FGD3: variants seen among roughly 807,000 people sequenced by gnomAD.
FGD3 encodes FYVE, RhoGEF and PH domain-containing protein 3.
A neutral mutation model predicts 71.8 loss-of-function variants in FGD3; 45 were observed. The ratio of observed to expected loss-of-function variants is 0.63; its 90% CI spans 0.49 to 0.80. The LOEUF (loss-of-function observed/expected upper bound fraction) is 0.80. FGD3 is among the 30% of genes least tolerant of loss of function. FGD3 has a pLI of 0.00. For missense variants in FGD3, 844 were observed against 951.5 expected, an observed-to-expected ratio of 0.89 and a Z score of 1.49; for synonymous variants, 378 against 392.8, an observed-to-expected ratio of 0.96 and a Z score of 0.44.
intron 3 of FGD3, among the ~76,000 whole-genome samples, chr9:92,991,201 C>T (rs1284836832): frequency 6.6e-6 from 1 of 152,096 alleles, no homozygotes; most frequent in Non-Finnish European, 1.5e-5. Flanking sequence ...GCCTCAGCCT[C>T]CTGAGGAGCT....
chr9:93,013,996 C>G lies in FGD3; in HGVS notation c.1180C>G (p.Leu394Val). The change falls in exon 9 of 18, where the codon CTG (leucine) becomes GTG (valine). Residue 394 changes from leucine (L) to valine (V), a missense_variant and splice_region_variant. Physicochemically the swap from Leu to Val is conservative, Grantham distance 32 (BLOSUM62 1). Coordinates refer to ENST00000375482, the MANE Select transcript of FGD3 (RefSeq NM_001083536.2). ...CACCCCCCAGGACCGCCACCTCTTCCTGGTGAGCCTGGCCCCTGCCAGCCC... is the reference window on the plus strand; with the variant it reads ...CACCCCCCAGGACCGCCACCTCTTCGTGGTGAGCCTGGCCCCTGCCAGCCC... Reference protein sequence around the residue: ...NGTPQDRHLFLFNSMILYCVP... With the variant: ...NGTPQDRHLFVFNSMILYCVP... 6.2e-7 allele frequency: 1 copy of G among 1,605,806 alleles called. No homozygotes were observed. The highest frequency in any genetic ancestry group is 8.5e-7 in the Non-Finnish European group (1 of 1,176,246).
At position 93,008,962 on chromosome 9, in the gene FGD3, C is replaced by CAA. The variant is rs34328093; in HGVS notation, c.838-1270_838-1269dup. ...GCTGGGCAACAGAGCAAGACTCCAT[C>CAA]AAAAAAAAAAAAAAAGTTTTGGCCA... On this transcript the variant is annotated intron_variant, in intron 6 of 17. Coordinates refer to ENST00000375482, the MANE Select transcript of FGD3 (RefSeq NM_001083536.2). Among the ~76,000 whole-genome samples the CAA allele has an allele frequency of 1.4e-3, 192 of 137,836 alleles. 2 individuals are homozygous for CAA. Among genetic ancestry groups the CAA allele is most frequent in the Middle Eastern group, 7.4e-3 (2 of 270 alleles). 90.4% of individuals were successfully genotyped at this position (137,836 alleles called of 152,430 possible). A position where few individuals can be genotyped will look rare whatever the true frequency, so the allele number is the denominator to read the frequency against.
chr9:92,991,368 T>C (rs1860402615), intron 3 of FGD3, among the ~76,000 whole-genome samples: 1 of 152,176 alleles, frequency 6.6e-6, no homozygotes, highest in Non-Finnish European at 1.5e-5. Context: ...TGTGAGCCAT[T>C]GCACCCGGCC....
Position 93,022,401 on chromosome 9 carries a change from A to C in FGD3, c.1557+12A>C. 1 of 1,611,366 alleles carries C rather than the reference A, an allele frequency of 6.2e-7. No homozygotes were observed. Among genetic ancestry groups the C allele is most frequent in the Non-Finnish European group, 8.5e-7 (1 of 1,178,636 alleles). On this transcript the variant is annotated intron_variant, in intron 14 of 17. Coordinates refer to ENST00000375482, the MANE Select transcript of FGD3 (RefSeq NM_001083536.2). Reference sequence around the variant, plus strand: ...CGGGTGCAGCAGGGGTAAGTGCCCCATGCTCAGCGGTCAGCAGGGGTGAAA... The same window carrying C: ...CGGGTGCAGCAGGGGTAAGTGCCCCCTGCTCAGCGGTCAGCAGGGGTGAAA...
intron 1 of FGD3, among the ~76,000 whole-genome samples, chr9:92,964,790 C>T (rs1859251275): frequency 6.6e-6 from 1 of 152,146 alleles, no homozygotes; most frequent in South Asian, 2.1e-4. Context: ...ATCGAGACCA[C>T]GGCCAGCCCC....
At chr9:92,993,871 G>T (rs1171934244) in intron 3 of FGD3, among the ~76,000 whole-genome samples, 1 of 152,162 alleles carries the variant, frequency 6.6e-6, no homozygotes, top group South Asian at 2.1e-4. Flanking sequence ...ATTATTGATG[G>T]ACATTTGGGT....
chr9:92,965,298 C>T (rs1206386341), intron 1 of FGD3, among the ~76,000 whole-genome samples: 1 of 152,236 alleles, frequency 6.6e-6, no homozygotes, highest in Non-Finnish European at 1.5e-5. Flanking sequence ...TGCTTGCCAA[C>T]ACCCAGGGCG....
Position 92,961,870 on chromosome 9 carries a change from C to A in FGD3, c.-217-13368C>A, listed in dbSNP as rs1033653329. On this transcript the variant is annotated intron_variant, in intron 1 of 17. Coordinates refer to ENST00000375482, the MANE Select transcript of FGD3 (RefSeq NM_001083536.2). ...CTCATAACATGGCAGCCAGCTCCCC[C>A]ACAGTGAGTGATTCAGCAAGGAAAG... Among the ~76,000 whole-genome samples, 11 of 152,226 alleles carry A rather than the reference C, an allele frequency of 7.2e-5. No homozygotes were observed. In the South Asian group the frequency reaches 2.3e-3, roughly 32 times the overall value.
intron 1 of FGD3, among the ~76,000 whole-genome samples, chr9:92,952,537 C>A (rs551586662): frequency 6.6e-6 from 1 of 151,982 alleles, no homozygotes; most frequent in Admixed American, 6.6e-5. Context: ...GCGCCCGGCC[C>A]GAAAATCAAA....
intron 1 of FGD3, among the ~76,000 whole-genome samples, chr9:92,949,639 T>C (rs970390928): frequency 6.6e-6 from 1 of 152,156 alleles, no homozygotes; most frequent in Non-Finnish European, 1.5e-5. Context: ...TAGCCATAGC[T>C]CCACAGTCTC....
rs1284098383 is a variant in FGD3, at chr9:92,976,527, C to T, written c.271C>T (p.Pro91Ser). 6.2e-7 allele frequency: 1 copy of T among 1,612,526 alleles called. No homozygotes were observed. Among genetic ancestry groups the T allele is most frequent in the Admixed American group, 1.7e-5 (1 of 59,942 alleles). The change falls in exon 3 of 18, where the codon CCC becomes TCC. Residue 91 changes from proline (P) to serine (S), a missense_variant. Transcript: ENST00000375482. ...PSSSVAGENF[P>S]CEEGLEAGPS... is the part of the protein sequence containing the mutation. ...CTCCAGTGTGGCTGGAGAGAACTTT[C>T]CCTGCGAGGAGGGCTTGGAGGCTGG...
At chr9:92,968,503 G>A (rs747833800) in intron 1 of FGD3, among the ~76,000 whole-genome samples, 19 of 151,704 alleles carry the variant, frequency 1.3e-4, no homozygotes, top group Non-Finnish European at 2.8e-4. Flanking sequence ...AGCAGACAGG[G>A]CATTTCCCAG....
chr9:93,033,997 G>A (rs572103670), intron 16 of FGD3: 1 of 152,438 alleles, frequency 6.6e-6, no homozygotes, highest in South Asian at 2.1e-4. Context: ...CTTGGGGCAC[G>A]GGCCTCCAGG....
chr9:93,035,207 C>A (rs907994633), intron 17 of FGD3, 131 bp from the exon 18 acceptor site: 5 of 1,321,296 alleles, frequency 3.8e-6, no homozygotes, highest in Non-Finnish European at 5.0e-6. Context: ...AGCCACCAGA[C>A]CCCTCGGGCT....
In FGD3 at chr9:93,020,441, G is replaced by A. The variant is rs778101147; in HGVS notation, c.1494+17G>A. 5 of 1,607,640 alleles carry A rather than the reference G, an allele frequency of 3.1e-6. No individual in the cohort carries two copies. Among genetic ancestry groups the A allele is most frequent in the Non-Finnish European group, 4.2e-6 (5 of 1,176,542 alleles). On this transcript the variant is annotated intron_variant, in intron 13 of 17. Coordinates refer to ENST00000375482, the MANE Select transcript of FGD3 (RefSeq NM_001083536.2). ...GACATGCCTGTGAGTCAGTGGCCCG[G>A]GGTGCAGAGAGACCTCCAGGGGACG... is the stretch of plus-strand genomic sequence containing the variant.
Position 92,976,208 on chromosome 9 carries a change from G to A in FGD3, c.-49G>A, listed in dbSNP as rs1473852431. ...ACTCTGGCTTGTTTCTCCCCTACAG[G>A]AAGCCCCTGGCCAGCCTCCACCTGA... On this transcript the variant is annotated splice_region_variant and 5_prime_UTR_variant, in exon 3 of 18. Transcript: ENST00000375482. The A allele has an allele frequency of 6.9e-6, 10 of 1,454,654 alleles. No homozygotes were observed. Among genetic ancestry groups the A allele is most frequent in the Non-Finnish European group, 9.1e-6 (10 of 1,094,598 alleles). 90.1% of individuals were successfully genotyped at this position (1,454,654 alleles called of 1,614,324 possible). A position where few individuals can be genotyped will look rare whatever the true frequency, so the allele number is the denominator to read the frequency against.
chr9:92,976,079 C>A (rs1459922345), intron 2 of FGD3, 129 bp from the exon 3 acceptor site: 24 of 587,260 alleles, frequency 4.1e-5, no homozygotes, highest in Non-Finnish European at 6.8e-5. Flanking sequence ...ACACAACCCC[C>A]AGCCCACCTG....
At position 92,983,960 on chromosome 9, in the gene FGD3, G is replaced by A. The variant is rs140458783; in HGVS notation, c.453+7251G>A. ...GTTTTTCCAGTAGTGTCAAGTACAC[G>A]TTACACTGTTAACTCTTAGCAACTT... On this transcript the variant is annotated intron_variant, in intron 3 of 17. Transcript: ENST00000375482. 2.7e-3 allele frequency among the ~76,000 whole-genome samples: 416 copies of A among 152,264 alleles called. 2 individuals are homozygous for A. Among genetic ancestry groups the A allele is most frequent in the African/African-American group, 9.5e-3 (395 of 41,532 alleles).
rs745975576 is a variant in FGD3, at chr9:93,006,140, A to T, written c.797A>T (p.Gln266Leu). The change falls in exon 6 of 18, where the codon CAG becomes CTG. Residue 266 changes from glutamine to leucine, a missense_variant. Coordinates refer to ENST00000375482, the MANE Select transcript of FGD3 (RefSeq NM_001083536.2). ...GTAGGGCTGGTGAGCACGTGGACCC[A>T]GCGCTCCCCACTGTTTAAAGACGTC... ...RAVGLVSTWT[Q>L]RSPLFKDVVH... is the part of the protein sequence containing the mutation. The T allele has an allele frequency of 5.6e-6, 9 of 1,610,670 alleles. No individual in the cohort carries two copies. The highest frequency in any genetic ancestry group is 6.8e-6 in the Non-Finnish European group (8 of 1,178,252).
Sources: gnomAD v4.1 joint callset for allele counts (sites outside exome capture counted in the v4.1 genomes callset) on GRCh38, gnomAD v4.1.1 for gene constraint, MANE v1.5 for transcripts, NCBI Gene and HGNC (gene_info 2026-07-23, HGNC 2026-07-21) for gene names.